Variants in USP32 observed in about 807,000 individuals in gnomAD.
USP32 encodes the protein ubiquitin carboxyl-terminal hydrolase 32.
Under a neutral mutation model 204.8 loss-of-function variants are expected in USP32, and 59 were observed. That is an observed-to-expected ratio of 0.29 (90% confidence interval 0.23 to 0.36). The LOEUF is 0.36. Among genes scored for constraint, USP32 ranks in the 10% least tolerant of loss-of-function variants. USP32 has a pLI of 1.00. For synonymous variants in USP32, 517 were observed against 678.4 expected (o/e 0.76, Z 3.70); for missense variants, 1,160 against 1,946.4 (o/e 0.60, Z 7.60).
At chr17:60,190,473 A>C in intron 29 of USP32, 90 bp downstream of exon 29, 1 of 1,434,216 alleles carries the variant, frequency 7.0e-7, no homozygotes, top group Non-Finnish European at 9.2e-7. Flanking sequence ...GTTGTTTTTA[A>C]ATTGTCTAAA....
intron 1 of USP32, among the ~76,000 whole-genome samples, chr17:60,389,064 T>C (rs2089782811): frequency 6.6e-6 from 1 of 152,238 alleles, no homozygotes; most frequent in African/African-American, 2.4e-5. Flanking sequence ...CAAGTATTTC[T>C]GTAGTTTTGT....
intron 2 of USP32, among the ~76,000 whole-genome samples, chr17:60,328,403 GC>G (rs1164384595): frequency 6.6e-6 from 1 of 152,114 alleles, no homozygotes; most frequent in Non-Finnish European, 1.5e-5. Flanking sequence ...TACCCCTTCT[GC>G]TGAGAGCTGA....
At chr17:60,285,243 G>T (rs1328081541) in intron 5 of USP32, among the ~76,000 whole-genome samples, 1 of 152,144 alleles carries the variant, frequency 6.6e-6, no homozygotes, top group African/African-American at 2.4e-5. Flanking sequence ...TTTACACAGT[G>T]AGTATAAAAA....
intron 26 of USP32, among the ~76,000 whole-genome samples, chr17:60,202,443 TCACACACACACACACA>T (rs377613629): frequency 7.1e-6 from 1 of 140,750 alleles, no homozygotes; most frequent in Non-Finnish European, 1.6e-5. Flanking sequence ...GCTTATCAAA[TCACACACACACACACA>T]CACACACACA....
chr17:60,259,691 G>C (rs1309817569), intron 9 of USP32, among the ~76,000 whole-genome samples: 2 of 152,170 alleles, frequency 1.3e-5, no homozygotes, highest in African/African-American at 4.8e-5. Flanking sequence ...TGAACTGCAA[G>C]GTGGTAGGAG....
At chr17:60,324,302 A>ATATTTT (rs1491312353) in intron 2 of USP32, among the ~76,000 whole-genome samples, 2 of 149,242 alleles carry the variant, frequency 1.3e-5, no homozygotes, top group African/African-American at 5.0e-5. Flanking sequence ...ATATATATAT[A>ATATTTT]TTTTAATTAA....
chr17:60,385,785 T>C (rs2146126781), intron 1 of USP32, among the ~76,000 whole-genome samples: 1 of 150,224 alleles, frequency 6.7e-6, no homozygotes, highest in East Asian at 2.0e-4. Context: ...GAGGTTGCAG[T>C]GAGCCAAGAT....
intron 2 of USP32, among the ~76,000 whole-genome samples, chr17:60,336,143 A>T (rs182030058): frequency 2.1e-5 from 3 of 142,900 alleles, no homozygotes; most frequent in Non-Finnish European, 4.4e-5. Flanking sequence ...GAACATCCAT[A>T]ATCTATGTAA....
intron 2 of USP32, among the ~76,000 whole-genome samples, chr17:60,312,398 T>C (rs1352063073): frequency 6.6e-6 from 1 of 152,146 alleles, no homozygotes; most frequent in African/African-American, 2.4e-5. Context: ...TGAGGATCAA[T>C]ACTTTTCCAT....
In USP32 at chr17:60,265,990, T is replaced by C. The variant is rs1162003346; in HGVS notation, c.913A>G (p.Thr305Ala). ...ALLEVWKDNR[T>A]DDIPELHMDL... Reference sequence around the variant, plus strand: ...TCATAACTTACAGGAATATCATCAGTGCGGTTGTCCTTCCAGACTTCTAAA... The same window carrying C: ...TCATAACTTACAGGAATATCATCAGCGCGGTTGTCCTTCCAGACTTCTAAA... The change falls in exon 8 of 34, where the codon ACT becomes GCT. Residue 305 changes from threonine (T) to alanine (A), a missense_variant. This residue lies in a region of USP32 where 536 missense variants were observed against 680.9 expected (regional missense o/e 0.79). Coordinates refer to ENST00000300896, the MANE Select transcript of USP32 (RefSeq NM_032582.4). The C allele has an allele frequency of 3.7e-6, 6 of 1,613,596 alleles. No individual in the cohort carries two copies. The highest frequency in any genetic ancestry group is 5.1e-6 in the Non-Finnish European group (6 of 1,179,652).
chr17:60,229,400 A>G (rs541737563), intron 12 of USP32, among the ~76,000 whole-genome samples: 1 of 152,362 alleles, frequency 6.6e-6, no homozygotes, highest in African/African-American at 2.4e-5. Context: ...GCCAGAATTA[A>G]TAACTATTGC....
intron 2 of USP32, among the ~76,000 whole-genome samples, chr17:60,324,563 T>A (rs2088186314): frequency 6.6e-6 from 1 of 152,156 alleles, no homozygotes; most frequent in African/African-American, 2.4e-5. Context: ...AAAGTCACCC[T>A]CATTTCACCT....
intron 1 of USP32, among the ~76,000 whole-genome samples, chr17:60,368,135 C>T (rs1298464520): frequency 6.6e-6 from 1 of 152,110 alleles, no homozygotes; most frequent in Non-Finnish European, 1.5e-5. Context: ...AGCTAACCAG[C>T]AACAACAACA....
At chr17:60,266,987 C>G (rs982370134) in intron 7 of USP32, among the ~76,000 whole-genome samples, 8 of 148,704 alleles carry the variant, frequency 5.4e-5, no homozygotes, top group Non-Finnish European at 8.9e-5. Context: ...CGGGATTTCA[C>G]CATGTTGGCC....
chr17:60,329,502 TCTCA>T (rs148698043), intron 2 of USP32, among the ~76,000 whole-genome samples: 6,645 of 151,106 alleles, frequency 0.044, 522 homozygotes, highest in African/African-American at 0.15. Context: ...TGAGATGAGG[TCTCA>T]CTATGTTGCC....
intron 1 of USP32, among the ~76,000 whole-genome samples, chr17:60,375,587 T>G (rs1309455498): frequency 2.0e-5 from 3 of 151,406 alleles, no homozygotes; most frequent in African/African-American, 7.4e-5. Context: ...TTTTCCTTTT[T>G]CTGGTGTTTT....
chr17:60,406,618 C>T (rs1025505490), intron 1 of USP32, among the ~76,000 whole-genome samples: 11 of 151,944 alleles, frequency 7.2e-5, no homozygotes, highest in Admixed American at 1.3e-4. Flanking sequence ...CAGGTTCAAG[C>T]GATTCTCCTG....
intron 1 of USP32, among the ~76,000 whole-genome samples, chr17:60,363,905 G>A (rs1004008308): frequency 5.9e-5 from 9 of 151,836 alleles, no homozygotes; most frequent in African/African-American, 2.2e-4. Context: ...GTGTTGGGGG[G>A]GCACCTTACA....
chr17:60,184,258 T>G (rs983108474), intron 30 of USP32, among the ~76,000 whole-genome samples: 10 of 148,670 alleles, frequency 6.7e-5, no homozygotes, highest in African/African-American at 2.5e-4. Flanking sequence ...AGGCTTGCAG[T>G]GAACTGAGAT....
Sources: allele counts gnomAD v4.1 joint callset (sites outside exome capture counted in the v4.1 genomes callset), GRCh38; gene constraint gnomAD v4.1.1; regional missense constraint gnomAD v4.1.1; transcripts MANE v1.5; gene names NCBI Gene and HGNC (gene_info 2026-07-23, HGNC 2026-07-21).